Variants in PDE8A observed in about 807,000 individuals in gnomAD.
PDE8A encodes phosphodiesterase 8A.
PDE8A carries 59 observed loss-of-function variants against 105.0 expected under a neutral mutation model. The observed-to-expected ratio is 0.56, with a 90% confidence interval of 0.46 to 0.70. The LOEUF is 0.70. PDE8A is among the 30% of genes least tolerant of loss of function. The pLI, the probability that PDE8A is intolerant of heterozygous loss-of-function variation, is 0.00. For synonymous variants in PDE8A, 355 were observed against 371.9 expected (o/e 0.95, Z 0.52); for missense variants, 1,014 against 1,045.9 (o/e 0.97, Z 0.42).
At chr15:85,094,795 C>T (rs1157238858) in intron 8 of PDE8A, among the ~76,000 whole-genome samples, 1 of 152,184 alleles carries the variant, frequency 6.6e-6, no homozygotes, top group Non-Finnish European at 1.5e-5. Context: ...TCTGGAGTTA[C>T]AGTGTGTAAC....
chr15:85,040,385 AAAAAAG>A (rs1267025363), intron 1 of PDE8A, among the ~76,000 whole-genome samples: 10 of 150,890 alleles, frequency 6.6e-5, no homozygotes, highest in Non-Finnish European at 1.2e-4. Flanking sequence ...AAAAAAAAAA[AAAAAAG>A]AAAAGAAAAG....
At chr15:85,042,965 T>C (rs993954327) in intron 1 of PDE8A, among the ~76,000 whole-genome samples, 6 of 152,206 alleles carry the variant, frequency 3.9e-5, no homozygotes, top group African/African-American at 9.6e-5. Context: ...GTCATTCTCA[T>C]TGTAATCTCC....
chr15:85,100,234 A>G (rs1485410453), intron 11 of PDE8A, 36 bp downstream of exon 11: 5 of 1,562,288 alleles, frequency 3.2e-6, no homozygotes, highest in Non-Finnish European at 3.5e-6. Context: ...GAGTTCATTG[A>G]GTTTTTGGAG....
chr15:84,984,730 G>A lies in PDE8A; in HGVS notation c.186+2382G>A, dbSNP rs1487691816. Among the ~76,000 whole-genome samples the A allele has an allele frequency of 3.3e-5, 5 of 152,180 alleles. No individual in the cohort carries two copies. In the South Asian group the frequency reaches 1.0e-3, roughly 32 times the overall value. On this transcript the variant is annotated intron_variant, in intron 1 of 21. Transcript: ENST00000394553. ...GGACTGTTAGTATTGTATGAGAAAA[G>A]AGTTCCGTGGTCTGGTAAGTTTTTG...
chr15:85,112,137 T>TA (rs2082029788), intron 12 of PDE8A, among the ~76,000 whole-genome samples: 1 of 152,196 alleles, frequency 6.6e-6, no homozygotes, highest in African/African-American at 2.4e-5. Context: ...CTTTTTTTCT[T>TA]ACCTTATTGC....
intron 11 of PDE8A, among the ~76,000 whole-genome samples, chr15:85,101,765 G>A (rs2081865879): frequency 6.6e-6 from 1 of 152,230 alleles, no homozygotes; most frequent in African/African-American, 2.4e-5. Flanking sequence ...GAGACCAGAT[G>A]TGATGATGGT....
At position 85,123,094 on chromosome 15, in the gene PDE8A, C is replaced by A. The variant is rs778557372; in HGVS notation, c.1986C>A (p.Ile662=). 1 of 1,613,848 alleles carries A rather than the reference C, an allele frequency of 6.2e-7. No homozygotes were observed. The highest frequency in any genetic ancestry group is 8.5e-7 in the Non-Finnish European group (1 of 1,179,920). Residue 662 remains isoleucine (I), a synonymous_variant, in exon 19 of 22, where the codon ATC becomes ATA. Coordinates refer to ENST00000394553, the MANE Select transcript of PDE8A (RefSeq NM_002605.3). The stretch of plus-strand genomic sequence containing the variant: ...ATCGGACACTGCGCCAGGGGATTAT[C>A]GACATGGTCTTAGCCACAGAAATGA... ...NDYRTLRQGI[I]DMVLATEMTK...
At chr15:85,061,516 A>G (rs1376184698) in intron 1 of PDE8A, among the ~76,000 whole-genome samples, 2 of 152,126 alleles carry the variant, frequency 1.3e-5, no homozygotes, top group Admixed American at 6.6e-5. Context: ...CTGGGATTAC[A>G]GGCGTGAGCC....
At position 85,064,351 on chromosome 15, in the gene PDE8A, G is replaced by A. The variant is rs370514196; in HGVS notation, c.187-19G>A. On this transcript the variant is annotated intron_variant, in intron 1 of 21. Coordinates refer to ENST00000394553, the MANE Select transcript of PDE8A (RefSeq NM_002605.3). ...TTCTCCGTTGTCTTTTCATTTTTAAGCCAATCTCTTTCTTACAGGTAGCAG... is the reference window on the plus strand; with the variant it reads ...TTCTCCGTTGTCTTTTCATTTTTAAACCAATCTCTTTCTTACAGGTAGCAG... 17 of 1,586,644 alleles carry A rather than the reference G, an allele frequency of 1.1e-5. No homozygotes were observed. Among genetic ancestry groups the A allele is most frequent in the African/African-American group, 1.3e-5 (1 of 74,232 alleles).
At chr15:85,116,246 T>G in intron 16 of PDE8A, 127 bp downstream of exon 16, 3 of 920,526 alleles carry the variant, frequency 3.3e-6, no homozygotes, top group Non-Finnish European at 4.9e-6. Flanking sequence ...AAGGAAGGAG[T>G]AACAGGGCAC....
At chr15:85,019,410 C>T (rs2080382285) in intron 1 of PDE8A, among the ~76,000 whole-genome samples, 1 of 152,030 alleles carries the variant, frequency 6.6e-6, no homozygotes, top group African/African-American at 2.4e-5. Flanking sequence ...TATGAGTGTT[C>T]TTAACACTTT....
In PDE8A at chr15:85,009,092, A is replaced by T. The variant is rs1275707330; in HGVS notation, c.186+26744A>T. Among the ~76,000 whole-genome samples, 12 of 143,054 alleles carry T rather than the reference A, an allele frequency of 8.4e-5. No individual in the cohort carries two copies. In the East Asian group the frequency reaches 1.2e-3, roughly 14 times the overall value. 93.8% of individuals were successfully genotyped at this position (143,054 alleles called of 152,430 possible). A position where few individuals can be genotyped will look rare whatever the true frequency, so the allele number is the denominator to read the frequency against. On this transcript the variant is annotated intron_variant, in intron 1 of 21. Transcript: ENST00000394553. Reference sequence around the variant, plus strand: ...TCACTTCCTGGTGTGTTAGTGTGTGAGAGAGAGAGAGAGAGAGAGTGTGTG... The same window carrying T: ...TCACTTCCTGGTGTGTTAGTGTGTGTGAGAGAGAGAGAGAGAGAGTGTGTG...
chr15:84,986,580 G>A (rs542273401), intron 1 of PDE8A, among the ~76,000 whole-genome samples: 35 of 151,130 alleles, frequency 2.3e-4, no homozygotes, highest in Non-Finnish European at 4.6e-4. Context: ...AAAATTTATT[G>A]CCTGCTCCTA....
chr15:84,999,482 A>C lies in PDE8A; in HGVS notation c.186+17134A>C, dbSNP rs538837904. On this transcript the variant is annotated intron_variant, in intron 1 of 21. Coordinates refer to ENST00000394553, the MANE Select transcript of PDE8A (RefSeq NM_002605.3). ...TTCATTCAGCAAACCTTTGGTGCTTACCATGGGCTAGGAACTGCACTGGAC... is the reference window on the plus strand; with the variant it reads ...TTCATTCAGCAAACCTTTGGTGCTTCCCATGGGCTAGGAACTGCACTGGAC... Among the ~76,000 whole-genome samples, 10 of 152,312 alleles carry C rather than the reference A, an allele frequency of 6.6e-5. No individual in the cohort carries two copies. The East Asian group carries it at 1.2e-3, about 18-fold the overall frequency.
chr15:85,040,397 A>G (rs543994044), intron 1 of PDE8A, among the ~76,000 whole-genome samples: 1 of 151,098 alleles, frequency 6.6e-6, no homozygotes, highest in Admixed American at 6.6e-5. Context: ...AAAAGAAAAG[A>G]AAAGAAAAAA....
At chr15:85,051,090 G>A (rs917879730) in intron 1 of PDE8A, among the ~76,000 whole-genome samples, 13 of 152,052 alleles carry the variant, frequency 8.5e-5, no homozygotes, top group Middle Eastern at 3.4e-3. Flanking sequence ...ATTGTTTTTT[G>A]TAATTTCCTT....
intron 20 of PDE8A, among the ~76,000 whole-genome samples, chr15:85,132,504 C>T (rs538715849): frequency 2.6e-4 from 39 of 152,100 alleles, no homozygotes; most frequent in African/African-American, 9.4e-4. Context: ...TTTGCTCTGT[C>T]GCCCAAGCTG....
intron 1 of PDE8A, among the ~76,000 whole-genome samples, chr15:85,052,184 G>A (rs2080986482): frequency 6.6e-6 from 1 of 152,156 alleles, no homozygotes; most frequent in African/African-American, 2.4e-5. Flanking sequence ...GGCATTCCAT[G>A]GTGTATATGT....
intron 16 of PDE8A, among the ~76,000 whole-genome samples, chr15:85,116,604 G>GT (rs1323175466): frequency 6.6e-6 from 1 of 152,210 alleles, no homozygotes; most frequent in Non-Finnish European, 1.5e-5. Context: ...TTTGCCTTGA[G>GT]TTTTTTCCCT....
Sources: allele counts gnomAD v4.1 joint callset (sites outside exome capture counted in the v4.1 genomes callset), GRCh38; gene constraint gnomAD v4.1.1; transcripts MANE v1.5; gene names NCBI Gene and HGNC (gene_info 2026-07-23, HGNC 2026-07-21).